NTN1: variants seen among roughly 807,000 people sequenced by gnomAD.
NTN1 encodes the protein netrin 1.
In NTN1, 11 loss-of-function variants were observed where a neutral mutation model predicts 54.2. The ratio of observed to expected loss-of-function variants is 0.20; its 90% CI spans 0.13 to 0.34. The LOEUF is 0.34. Among genes scored for constraint, NTN1 ranks in the 10% least tolerant of loss-of-function variants. The pLI, the probability that NTN1 is intolerant of heterozygous loss-of-function variation, is 1.00. For synonymous variants in NTN1, 371 were observed against 382.0 expected, an observed-to-expected ratio of 0.97 and a Z score of 0.33; for missense variants, 740 against 893.1, an observed-to-expected ratio of 0.83 and a Z score of 2.18.
intron 5 of NTN1, among the ~76,000 whole-genome samples, chr17:9,184,031 C>A (rs116464917): frequency 0.011 from 1,698 of 152,260 alleles, 25 homozygotes; most frequent in African/African-American, 0.037. Flanking sequence ...CTCTTTGCCT[C>A]CCCCAGAAAG....
At chr17:9,162,689 C>G in intron 2 of NTN1, 124 bp from the exon 3 acceptor site, 1 of 894,496 alleles carries the variant, frequency 1.1e-6, no homozygotes, top group Non-Finnish European at 1.7e-6. Flanking sequence ...GAGCACAAGT[C>G]TGCCTGCCTG....
chr17:9,231,805 G>C (rs1905825275), intron 6 of NTN1, among the ~76,000 whole-genome samples: 2 of 150,886 alleles, frequency 1.3e-5, no homozygotes, highest in Non-Finnish European at 3.0e-5. Context: ...GGAGGGAGCT[G>C]AAGGTGGACT....
intron 2 of NTN1, among the ~76,000 whole-genome samples, chr17:9,127,457 G>A (rs768993024): frequency 6.6e-6 from 1 of 152,198 alleles, no homozygotes; most frequent in South Asian, 2.1e-4. Context: ...GTCCTGTGAT[G>A]TAGGCTGGCA....
At chr17:9,215,231 A>G (rs1905189810) in intron 5 of NTN1, among the ~76,000 whole-genome samples, 1 of 147,072 alleles carries the variant, frequency 6.8e-6, no homozygotes, top group Non-Finnish European at 1.5e-5. Flanking sequence ...AATATTTTAT[A>G]TATACATAGC....
rs138319452 is a variant in NTN1, at chr17:9,211,453, G to A, written c.1412-9715G>A. On this transcript the variant is annotated intron_variant, in intron 5 of 6. Transcript: ENST00000173229. This position sits in a 1 kb window ranked among gnomAD's most constrained non-coding sequence, Gnocchi z 4.4. ...GGGAGTGATGACACTCGTGCTGTTG[G>A]CCTCTCCCCTCCTGCTGTGATGCCA... Among the ~76,000 whole-genome samples, 196 of 152,266 alleles carry A rather than the reference G, an allele frequency of 1.3e-3. No individual in the cohort carries two copies. Among genetic ancestry groups the A allele is most frequent in the African/African-American group, 3.7e-3 (153 of 41,554 alleles).
At chr17:9,024,993 G>T (rs961786758) in intron 2 of NTN1, among the ~76,000 whole-genome samples, 1 of 151,800 alleles carries the variant, frequency 6.6e-6, no homozygotes, top group Non-Finnish European at 1.5e-5. Flanking sequence ...TCTTCCCTTT[G>T]TGCGTAAAAG....
chr17:9,017,185 A>C (rs796400345), upstream of NTN1, among the ~76,000 whole-genome samples: 45 of 152,098 alleles, frequency 3.0e-4, no homozygotes, highest in African/African-American at 1.0e-3. Context: ...AAAAAATCCC[A>C]ACCTTCCCTC....
At chr17:9,153,496 G>T (rs990959953) in intron 2 of NTN1, among the ~76,000 whole-genome samples, 8 of 152,156 alleles carry the variant, frequency 5.3e-5, no homozygotes, top group Non-Finnish European at 5.9e-5. Context: ...TGTGTCTTAG[G>T]AGGGAATGCT....
intron 2 of NTN1, among the ~76,000 whole-genome samples, chr17:9,080,051 G>T (rs919772792): frequency 2.0e-5 from 3 of 151,744 alleles, no homozygotes; most frequent in African/African-American, 7.3e-5. Context: ...TGGAGGAACT[G>T]GTTCCCCTGA....
intron 2 of NTN1, among the ~76,000 whole-genome samples, chr17:9,072,333 C>A (rs1006447256): frequency 9.2e-5 from 14 of 151,732 alleles, no homozygotes; most frequent in African/African-American, 3.2e-4. Context: ...TCCTCCCTGG[C>A]TCCAGCTAAC....
intron 2 of NTN1, among the ~76,000 whole-genome samples, chr17:9,073,921 C>A (rs1246182510): frequency 3.3e-5 from 5 of 152,194 alleles, no homozygotes; most frequent in Admixed American, 3.3e-4. Context: ...TGTTTCCTAC[C>A]GTTTTTCATT....
At chr17:9,208,733 TC>T (rs1312061354) in intron 5 of NTN1, among the ~76,000 whole-genome samples, 5 of 152,148 alleles carry the variant, frequency 3.3e-5, no homozygotes, top group Non-Finnish European at 7.4e-5. Flanking sequence ...CACCGTGCAC[TC>T]CAGGGGAGGA....
intron 2 of NTN1, among the ~76,000 whole-genome samples, chr17:9,152,158 C>T (rs867786048): frequency 2.0e-5 from 3 of 152,122 alleles, no homozygotes; most frequent in Admixed American, 6.5e-5. Flanking sequence ...TCTTTGGGTC[C>T]GTGCCACCTT....
At chr17:9,007,731 G>T in the NTN1 span, among the ~76,000 whole-genome samples, 5,311 of 133,928 alleles carry the variant, frequency 0.04, 173 homozygotes, top group African/African-American at 0.1. Context: ...TTTCTTTCTT[G>T]CTTGCTTGCT....
intron 6 of NTN1, among the ~76,000 whole-genome samples, chr17:9,222,882 TTGTGTG>T (rs57722510): frequency 1.3e-4 from 19 of 151,726 alleles, no homozygotes; most frequent in Admixed American, 2.0e-4. Flanking sequence ...TTCTCGTTTA[TTGTGTG>T]TGTGTGTGTA....
In NTN1 at chr17:9,043,208, A is replaced by AT. The variant is rs1567697195; in HGVS notation, c.1018+19823dup. Among the ~76,000 whole-genome samples, 4 of 152,074 alleles carry AT rather than the reference A, an allele frequency of 2.6e-5. No individual in the cohort carries two copies. The South Asian group carries it at 8.3e-4, about 31-fold the overall frequency. On this transcript the variant is annotated intron_variant, in intron 2 of 6. Coordinates refer to ENST00000173229, the MANE Select transcript of NTN1 (RefSeq NM_004822.3). ...ACCTTTCTAATTGCTAATAGCAAACATTTTTTCTCACTCTCTCTTTGCCTA... is the reference window on the plus strand; with the variant it reads ...ACCTTTCTAATTGCTAATAGCAAACATTTTTTTCTCACTCTCTCTTTGCCTA...
chr17:9,221,145 G>GCC lies in NTN1; in HGVS notation c.1412-22_1412-21insCC, dbSNP rs368559493. 1.2e-4 allele frequency: 174 copies of GCC among 1,504,218 alleles called. No homozygotes were observed. The African/African-American group carries it at 1.5e-3, about 13-fold the overall frequency. 93.2% of individuals were successfully genotyped at this position (1,504,218 alleles called of 1,614,324 possible). A position where few individuals can be genotyped will look rare whatever the true frequency, so the allele number is the denominator to read the frequency against. ...GCCAGCCTAATTAGTTTTTGTCTGT[G>GCC]CTCCCCCCCCACCCCCCTGCAGACT... On this transcript the variant is annotated intron_variant, in intron 5 of 6. Coordinates refer to ENST00000173229, the MANE Select transcript of NTN1 (RefSeq NM_004822.3). The surrounding 1 kb of genome is among the most constrained non-coding windows in gnomAD (Gnocchi z 4.5).
chr17:9,165,727 G>A lies in NTN1; in HGVS notation c.1207+2726G>A, dbSNP rs2092371373. 6.6e-6 allele frequency among the ~76,000 whole-genome samples: 1 copy of A among 152,200 alleles called. No homozygotes were observed. The highest frequency in any genetic ancestry group is 1.5e-5 in the Non-Finnish European group (1 of 68,034). ...GCCATCAGATTGGTGAAGAAAGACA[G>A]TGCTTCAAGGAACTTGTCACCTGAT... On this transcript the variant is annotated intron_variant, in intron 3 of 6. Coordinates refer to ENST00000173229, the MANE Select transcript of NTN1 (RefSeq NM_004822.3). The surrounding 1 kb of genome is among the most constrained non-coding windows in gnomAD (Gnocchi z 4.5).
At chr17:9,235,855 A>G (rs1435489164) in intron 6 of NTN1, among the ~76,000 whole-genome samples, 3 of 151,566 alleles carry the variant, frequency 2.0e-5, no homozygotes, top group Admixed American at 2.0e-4. Context: ...CTTGGGCTCA[A>G]GCAATTCTGC....
Sources: allele counts gnomAD v4.1 joint callset (sites outside exome capture counted in the v4.1 genomes callset), GRCh38; gene constraint gnomAD v4.1.1; non-coding constraint Gnocchi (gnomAD v3.1); transcripts MANE v1.5; gene names NCBI Gene and HGNC (gene_info 2026-07-23, HGNC 2026-07-21).